Variants in MUC17 observed in about 807,000 individuals in gnomAD.
The protein encoded by MUC17 is mucin 17, cell surface associated, also known as mucin-17.
A neutral mutation model predicts 170.3 loss-of-function variants in MUC17; 190 were observed. The observed-to-expected ratio is 1.12, with a 90% CI of 0.99 to 1.26. The LOEUF (loss-of-function observed/expected upper bound fraction) is 1.26. MUC17 is among the 50% of genes most tolerant of loss of function. MUC17 has a pLI of 0.00. For synonymous variants in MUC17, 2,325 were observed against 2,002.5 expected (o/e 1.16, Z -4.30); for missense variants, 6,415 against 5,530.0 (o/e 1.16, Z -5.08).
intron 6 of MUC17, 83 bp from the exon 7 acceptor site, chr7:101,050,401 A>G (rs1439369419): frequency 1.9e-5 from 29 of 1,540,000 alleles, no homozygotes; most frequent in Non-Finnish European, 2.4e-5. Context: ...CCTTGGGATC[A>G]GAGAGGGTGA....
chr7:101,034,286 C>G lies in MUC17; in HGVS notation c.2870C>G (p.Thr957Ser). The G allele has an allele frequency of 6.2e-7, 1 of 1,608,954 alleles. No individual in the cohort carries two copies. Among genetic ancestry groups the G allele is most frequent in the Non-Finnish European group, 8.5e-7 (1 of 1,177,740 alleles). ...GTTGACACCAGCACACCTGTGACCA[C>G]TTCTACTGAAGCCACTTCATCTCCT... ...TPVDTSTPVT[T>S]STEATSSPTT... The change falls in exon 3 of 13, where the codon ACT becomes AGT. Residue 957 changes from threonine to serine, a missense_variant. By Grantham distance (58) the Thr-to-Ser change is moderately conservative. Transcript: ENST00000306151.
chr7:101,035,355 T>G lies in MUC17; in HGVS notation c.3939T>G (p.Asn1313Lys). ...VDTKGPVVTS[N>K]EVSSSPTPAE... ...CTAAAGGTCCTGTGGTCACTTCTAA[T>G]GAAGTCAGTTCATCTCCTACACCTG... Residue 1313 changes from asparagine to lysine, a missense_variant, in exon 3 of 13, where the codon AAT (asparagine) becomes AAG (lysine). Coordinates refer to ENST00000306151, the MANE Select transcript of MUC17 (RefSeq NM_001040105.2). The G allele has an allele frequency of 6.2e-7, 1 of 1,610,864 alleles. No homozygotes were observed.
At position 101,038,956 on chromosome 7, in the gene MUC17, A is replaced by G. The variant is rs1363535755; in HGVS notation, c.7540A>G (p.Ser2514Gly). ...GCCAATCTCAACTGCTAGTGAAGGA[A>G]GTACTCTATTAACAAGTATACCTGT... The part of the protein sequence containing the change: ...VVPISTASEG[S>G]TLLTSIPVST... The change falls in exon 3 of 13, where the codon AGT becomes GGT. Residue 2514 changes from serine to glycine, a missense_variant. Physicochemically the swap from Ser to Gly is moderately conservative, Grantham distance 56. Coordinates refer to ENST00000306151, the MANE Select transcript of MUC17 (RefSeq NM_001040105.2). The G allele has an allele frequency of 2.5e-6, 4 of 1,613,942 alleles. No homozygotes were observed. The highest frequency in any genetic ancestry group is 1.1e-5 in the South Asian group (1 of 91,078).
rs1318986796 is a variant in MUC17, at chr7:101,031,917, A to G, written c.501A>G (p.Ala167=). The G allele has an allele frequency of 6.2e-7, 1 of 1,613,936 alleles. No individual in the cohort carries two copies. Among genetic ancestry groups the G allele is most frequent in the Non-Finnish European group, 8.5e-7 (1 of 1,180,022 alleles). The change falls in exon 3 of 13, where the codon GCA becomes GCG. Residue 167 remains alanine, a synonymous_variant. Transcript: ENST00000306151. ...ISSTMAFVST[A]PLPSFEAYTS... is the part of the protein sequence containing the mutation. ...CAACAATGGCTTTTGTCAGCACTGC[A>G]CCTCTTCCCAGTTTTGAGGCCTACA...
chr7:101,054,353 T>A (rs1220466472), intron 11 of MUC17, among the ~76,000 whole-genome samples: 1 of 152,154 alleles, frequency 6.6e-6, no homozygotes, highest in Non-Finnish European at 1.5e-5. Context: ...GTAAAGAGAC[T>A]AACATTAGAT....
intron 10 of MUC17, 39 bp from the exon 11 acceptor site, chr7:101,053,300 C>T (rs765418092): frequency 3.1e-6 from 5 of 1,601,058 alleles, no homozygotes. Context: ...TTCCTGTTCC[C>T]CAATCCTAAT....
At chr7:101,054,121 C>T (rs1795008690) in intron 11 of MUC17, among the ~76,000 whole-genome samples, 1 of 146,602 alleles carries the variant, frequency 6.8e-6, no homozygotes, top group Non-Finnish European at 1.5e-5. Context: ...TGGGAAGACC[C>T]TGAGGCTTAT....
chr7:101,026,163 G>T (rs1351250568), intron 1 of MUC17, among the ~76,000 whole-genome samples: 7 of 152,160 alleles, frequency 4.6e-5, no homozygotes, highest in Admixed American at 2.6e-4. Context: ...CCTCTTAGGG[G>T]TCAGTGGATC....
chr7:101,041,383 C>G lies in MUC17; in HGVS notation c.9967C>G (p.Pro3323Ala), dbSNP rs776263466. The G allele has an allele frequency of 3.1e-6, 5 of 1,612,200 alleles. No individual in the cohort carries two copies. The East Asian group carries it at 8.9e-5, about 29-fold the overall frequency. ...TTYSQASSSP[P>A]IADGTSMPTS... ...TTATTCTCAAGCCAGTTCATCTCCT[C>G]CAATTGCTGACGGTACTAGCATGCC... Residue 3323 changes from proline (P) to alanine (A), a missense_variant, in exon 3 of 13, where the codon CCA (proline) becomes GCA (alanine). Coordinates refer to ENST00000306151, the MANE Select transcript of MUC17 (RefSeq NM_001040105.2).
In MUC17 at chr7:101,032,549, C is replaced by A. The variant is rs1288033408; in HGVS notation, c.1133C>A (p.Ala378Asp). Residue 378 changes from alanine to aspartate, a missense_variant, in exon 3 of 13, where the codon GCT (alanine) becomes GAT (aspartate). Transcript: ENST00000306151. ...GAACCCAGTTCACTTCCTACAACTG[C>A]TGAAGCTACCAGCATGCTAACCTCA... ...STEPSSLPTT[A>D]EATSMLTSTL... The A allele has an allele frequency of 6.2e-7, 1 of 1,614,072 alleles. No homozygotes were observed. Among genetic ancestry groups the A allele is most frequent in the Non-Finnish European group, 8.5e-7 (1 of 1,180,038 alleles).
In MUC17 at chr7:101,034,427, C is replaced by A. The variant is rs747625949; in HGVS notation, c.3011C>A (p.Ser1004Ter). ...LVANSEASTL[S>*]TTPVDSNTPL... ...GCCAATTCTGAGGCTAGCACCCTTT[C>A]AACAACTCCTGTTGACTCCAACACT... is the stretch of plus-strand genomic sequence containing the variant. Residue 1004 changes from serine (S) to a stop codon, truncating the protein, a stop_gained, in exon 3 of 13, where the codon TCA becomes TAA. Coordinates refer to ENST00000306151, the MANE Select transcript of MUC17 (RefSeq NM_001040105.2). LOFTEE classifies it high-confidence loss of function. 4.4e-6 allele frequency: 7 copies of A among 1,607,728 alleles called. No homozygotes were observed. Among genetic ancestry groups the A allele is most frequent in the Admixed American group, 1.7e-5 (1 of 59,432 alleles).
At position 101,020,126 on chromosome 7, in the gene MUC17, C is replaced by T; in HGVS notation, c.-10C>T. ...GGGTGACAGGCAAGTGAGACGTGCT[C>T]AGAGCTCCGATGCCAAGGCCAGGGA... On this transcript the variant is annotated 5_prime_UTR_variant, in exon 1 of 13. Transcript: ENST00000306151. The T allele has an allele frequency of 1.3e-6, 2 of 1,590,684 alleles. No homozygotes were observed. Among genetic ancestry groups the T allele is most frequent in the Non-Finnish European group, 1.7e-6 (2 of 1,168,446 alleles).
rs758742736 is a variant in MUC17 at position 101,032,719 on chromosome 7, A to G, written c.1303A>G (p.Thr435Ala). 79 of 1,577,264 alleles carry G rather than the reference A, an allele frequency of 5.0e-5. 1 individual carries two copies. The East Asian group carries it at 1.7e-3, about 33-fold the overall frequency. The change falls in exon 3 of 13, where the codon ACA becomes GCA. Residue 435 changes from threonine (T) to alanine (A), a missense_variant. By Grantham distance (58) the Thr-to-Ala change is moderately conservative. Transcript: ENST00000306151. ...TGCTAGTGAAGCCAGCTCATCTCCCACAACTGCTGAAGATACCAGCATTGC... is the reference window on the plus strand; with the variant it reads ...TGCTAGTGAAGCCAGCTCATCTCCCGCAACTGCTGAAGATACCAGCATTGC... ...TTASEASSSP[T>A]TAEDTSIATS...
At chr7:101,048,646 A>G (rs1478299662) in intron 4 of MUC17, among the ~76,000 whole-genome samples, 199 bp from the exon 5 acceptor site, 2 of 152,092 alleles carry the variant, frequency 1.3e-5, no homozygotes, top group African/African-American at 4.8e-5. Flanking sequence ...AGAAAGAGGG[A>G]AAGAGATAAA....
chr7:101,048,206 CAGGAAT>C (rs1794876518), intron 4 of MUC17, 91 bp downstream of exon 4: 20 of 1,294,574 alleles, frequency 1.5e-5, no homozygotes, highest in Non-Finnish European at 2.1e-5. Flanking sequence ...GATGTGAGGC[CAGGAAT>C]AGGGCCTCTT....
chr7:101,050,115 T>A (rs1403510359), intron 6 of MUC17, among the ~76,000 whole-genome samples: 1 of 152,134 alleles, frequency 6.6e-6, no homozygotes, highest in Non-Finnish European at 1.5e-5. Context: ...TGGGCAGCAG[T>A]GAGACTCTGT....
chr7:101,039,846 T>G lies in MUC17; in HGVS notation c.8430T>G (p.Thr2810=), dbSNP rs145512232. 248 of 1,611,362 alleles carry G rather than the reference T, an allele frequency of 1.5e-4. 1 individual carries two copies. In the African/African-American group the frequency reaches 3.2e-3, roughly 21 times the overall value. The change falls in exon 3 of 13, where the codon ACT becomes ACG. Residue 2810 remains threonine (T), a synonymous_variant. Coordinates refer to ENST00000306151, the MANE Select transcript of MUC17 (RefSeq NM_001040105.2). ...CCTCAACTCCTAGTGAAACAAGTAC[T>G]CCATTAACTAGTATGCCTGTCAACC... The part of the protein sequence containing the change: ...MPTSTPSETS[T]PLTSMPVNHT...
rs765962444 is a variant in MUC17 at position 101,037,097 on chromosome 7, C to T, written c.5681C>T (p.Thr1894Ile). ...ACCCTTTCAACAACTCCCGCTGTCA[C>T]CAGCACACCTGTGACCACTTATGCT... ...TNTLSTTPAV[T>I]STPVTTYAQV... The change falls in exon 3 of 13, where the codon ACC becomes ATC. Residue 1894 changes from threonine (T) to isoleucine (I), a missense_variant. Thr to Ile is a moderately conservative substitution (Grantham distance 89). Coordinates refer to ENST00000306151, the MANE Select transcript of MUC17 (RefSeq NM_001040105.2). The T allele has an allele frequency of 2.5e-6, 4 of 1,584,104 alleles. No individual in the cohort carries two copies. The highest frequency in any genetic ancestry group is 3.4e-6 in the Non-Finnish European group (4 of 1,177,958).
In MUC17 at chr7:101,031,859, C is replaced by G. The variant is rs779269229; in HGVS notation, c.443C>G (p.Pro148Arg). The change falls in exon 3 of 13, where the codon CCC (proline) becomes CGC (arginine). Residue 148 changes from proline (P) to arginine (R), a missense_variant. Coordinates refer to ENST00000306151, the MANE Select transcript of MUC17 (RefSeq NM_001040105.2). ...ACAACTCCTGAAGGCACCGACGTGC[C>G]CATGTCAACACCAAGTGAAGAAAGC... ...SPTTPEGTDV[P>R]MSTPSEESIS... 1.2e-6 allele frequency: 2 copies of G among 1,614,186 alleles called. No homozygotes were observed. The highest frequency in any genetic ancestry group is 1.7e-6 in the Non-Finnish European group (2 of 1,180,032).
Sources: gnomAD v4.1 joint callset for allele counts (sites outside exome capture counted in the v4.1 genomes callset) on GRCh38, gnomAD v4.1.1 for gene constraint, MANE v1.5 for transcripts, NCBI Gene and HGNC (gene_info 2026-07-23, HGNC 2026-07-21) for gene names.